The following IGF2BP3 variants were observed in gnomAD, a reference collection of about 807,000 sequenced individuals.
IGF2BP3 encodes insulin like growth factor 2 mRNA binding protein 3.
Under a neutral mutation model 73.8 loss-of-function variants are expected in IGF2BP3, and 9 were observed. That is an observed-to-expected ratio of 0.12 (90% confidence interval 0.07 to 0.21). The LOEUF is 0.21. IGF2BP3 is among the 10% of genes least tolerant of loss of function. The probability of loss-of-function intolerance (pLI) is 1.00; values close to 1 mark genes in which losing one functional copy is unlikely to be tolerated. For missense variants in IGF2BP3, 542 were observed against 714.0 expected, an observed-to-expected ratio of 0.76 and a Z score of 2.75; for synonymous variants, 258 against 256.7, an observed-to-expected ratio of 1.01 and a Z score of -0.05.
chr7:23,442,967 T>C (rs1320690538), intron 2 of IGF2BP3, among the ~76,000 whole-genome samples: 2 of 152,162 alleles, frequency 1.3e-5, no homozygotes, highest in Non-Finnish European at 2.9e-5. Flanking sequence ...AGCAGTTTAG[T>C]GAAATTTCAG....
At chr7:23,455,919 T>C (rs1788306023) in intron 2 of IGF2BP3, among the ~76,000 whole-genome samples, 1 of 152,068 alleles carries the variant, frequency 6.6e-6, no homozygotes, top group Non-Finnish European at 1.5e-5. Flanking sequence ...TCTCCTGATC[T>C]CGTGATCCAC....
intron 10 of IGF2BP3, among the ~76,000 whole-genome samples, chr7:23,333,546 T>C (rs960274233): frequency 6.6e-6 from 1 of 152,158 alleles, no homozygotes; most frequent in Non-Finnish European, 1.5e-5. Context: ...AGCATAAACT[T>C]AAGAGAAATG....
intron 10 of IGF2BP3, among the ~76,000 whole-genome samples, chr7:23,335,076 A>T (rs74732829): frequency 7.5e-6 from 1 of 133,598 alleles, no homozygotes; most frequent in South Asian, 2.7e-4. Context: ...TTAACATTAA[A>T]AAAAAAAAAA....
chr7:23,377,580 A>G (rs1389891263), intron 3 of IGF2BP3, among the ~76,000 whole-genome samples: 1 of 152,246 alleles, frequency 6.6e-6, no homozygotes, highest in Non-Finnish European at 1.5e-5. Context: ...TGTTCTTCAA[A>G]AAGTTACCAT....
At chr7:23,407,165 A>G (rs1458571103) in intron 3 of IGF2BP3, among the ~76,000 whole-genome samples, 2 of 150,822 alleles carry the variant, frequency 1.3e-5, no homozygotes, top group African/African-American at 4.9e-5. Context: ...CAACTTGTCC[A>G]TGATGATGTA....
Position 23,310,543 on chromosome 7 carries a change from T to G in IGF2BP3, c.*1819A>C, listed in dbSNP as rs1479020227. On this transcript the variant is annotated 3_prime_UTR_variant, in exon 15 of 15. Coordinates refer to ENST00000258729, the MANE Select transcript of IGF2BP3 (RefSeq NM_006547.3). ...GCTCTGGCCTTAAACACATCTTACC[T>G]GAAATCCAACCAGAAAGCCAGTCCA... The G allele has an allele frequency of 6.6e-6, 1 of 152,118 alleles. No individual in the cohort carries two copies. Among genetic ancestry groups the G allele is most frequent in the East Asian group, 1.9e-4 (1 of 5,198 alleles). 9.4% of individuals were successfully genotyped at this position (152,118 alleles called of 1,614,324 possible). A position where few individuals can be genotyped will look rare whatever the true frequency, so the allele number is the denominator to read the frequency against.
chr7:23,336,094 G>A (rs1186049212), intron 10 of IGF2BP3, among the ~76,000 whole-genome samples: 1 of 151,930 alleles, frequency 6.6e-6, no homozygotes, highest in East Asian at 1.9e-4. Context: ...AAGAAGAGAT[G>A]CATCATTTCT....
intron 5 of IGF2BP3, among the ~76,000 whole-genome samples, chr7:23,353,881 T>C (rs759845660): frequency 3.9e-5 from 6 of 152,272 alleles, no homozygotes; most frequent in Non-Finnish European, 7.3e-5. Flanking sequence ...ATTTTGGTTA[T>C]TTCTAAAGGA....
rs374144418 is a variant in IGF2BP3, at chr7:23,456,443, T to C, written c.236+12039A>G. 4.9e-4 allele frequency among the ~76,000 whole-genome samples: 75 copies of C among 152,342 alleles called. 1 individual carries two copies. The highest frequency in any genetic ancestry group is 1.7e-3 in the African/African-American group (72 of 41,580). On this transcript the variant is annotated intron_variant, in intron 2 of 14. Transcript: ENST00000258729. ...TGAAGTTTCCTCCGCAAGAAACTAC[T>C]GTTAGTTTCTGAAGTAGGATGCAAA...
intron 3 of IGF2BP3, among the ~76,000 whole-genome samples, chr7:23,393,492 C>T (rs1185941598): frequency 6.6e-6 from 1 of 152,078 alleles, no homozygotes; most frequent in East Asian, 1.9e-4. Context: ...GTACTATGCT[C>T]AATTCTGAAC....
chr7:23,393,456 A>G (rs1398822819), intron 3 of IGF2BP3, among the ~76,000 whole-genome samples: 2 of 152,170 alleles, frequency 1.3e-5, no homozygotes, highest in East Asian at 1.9e-4. Flanking sequence ...CCACCCTGCA[A>G]TAAGCACAGT....
At chr7:23,359,161 G>T (rs1396556723) in intron 5 of IGF2BP3, among the ~76,000 whole-genome samples, 1 of 152,216 alleles carries the variant, frequency 6.6e-6, no homozygotes, top group Non-Finnish European at 1.5e-5. Context: ...GAACACCAGT[G>T]TGTCTACATT....
intron 3 of IGF2BP3, among the ~76,000 whole-genome samples, chr7:23,378,578 T>TG (rs1785804332): frequency 7.4e-6 from 1 of 134,854 alleles, no homozygotes; most frequent in Non-Finnish European, 1.6e-5. Flanking sequence ...TGTTTTTTTT[T>TG]TTTTTTTTTT....
At chr7:23,416,542 T>A (rs1039831613) in intron 3 of IGF2BP3, among the ~76,000 whole-genome samples, 3 of 152,258 alleles carry the variant, frequency 2.0e-5, no homozygotes, top group African/African-American at 4.8e-5. Flanking sequence ...GTTGAACCTA[T>A]TGAGATAAGA....
chr7:23,456,776 G>T (rs995976093), intron 2 of IGF2BP3, among the ~76,000 whole-genome samples: 1 of 152,224 alleles, frequency 6.6e-6, no homozygotes, highest in African/African-American at 2.4e-5. Context: ...GAGGCCAGGC[G>T]CAGTGGCTCA....
intron 11 of IGF2BP3, 48 bp from the exon 12 acceptor site, chr7:23,317,761 T>C: frequency 6.6e-7 from 1 of 1,504,986 alleles, no homozygotes. Context: ...GTATCACTGA[T>C]AGGCATCTTG....
At chr7:23,413,016 C>A (rs1265067627) in intron 3 of IGF2BP3, among the ~76,000 whole-genome samples, 1 of 150,812 alleles carries the variant, frequency 6.6e-6, no homozygotes, top group Non-Finnish European at 1.5e-5. Context: ...TGTGCCACCA[C>A]ACCCGGCTAA....
chr7:23,429,910 T>A (rs1408836728), intron 2 of IGF2BP3, among the ~76,000 whole-genome samples: 1 of 152,176 alleles, frequency 6.6e-6, no homozygotes, highest in Admixed American at 6.5e-5. Context: ...CTTTAACTTA[T>A]TCCTCTGGAA....
At chr7:23,425,340 T>A (rs1405794362) in intron 2 of IGF2BP3, among the ~76,000 whole-genome samples, 1 of 152,244 alleles carries the variant, frequency 6.6e-6, no homozygotes, top group African/African-American at 2.4e-5. Flanking sequence ...ACCCCCTTTG[T>A]ATCATTTTAA....
Sources: allele counts gnomAD v4.1 joint callset (sites outside exome capture counted in the v4.1 genomes callset), GRCh38; gene constraint gnomAD v4.1.1; transcripts MANE v1.5; gene names NCBI Gene and HGNC (gene_info 2026-07-23, HGNC 2026-07-21).